Variants in TM4SF5 observed in about 807,000 individuals in gnomAD.
TM4SF5 encodes transmembrane 4 L6 family member 5.
Under a neutral mutation model 22.3 loss-of-function variants are expected in TM4SF5, and 16 were observed. The ratio of observed to expected loss-of-function variants is 0.72; its 90% CI spans 0.49 to 1.09. The LOEUF is 1.09. Ranked by LOEUF, TM4SF5 falls within the 50% of genes least tolerant of loss-of-function variation. The pLI, the probability that TM4SF5 is intolerant of heterozygous loss-of-function variation, is 0.00. For missense variants in TM4SF5, 249 were observed against 266.1 expected, an observed-to-expected ratio of 0.94 and a Z score of 0.45; for synonymous variants, 113 against 109.6, an observed-to-expected ratio of 1.03 and a Z score of -0.19.
At chr17:4,776,236 A>T (rs1207562758) in intron 1 of TM4SF5, among the ~76,000 whole-genome samples, 1 of 151,730 alleles carries the variant, frequency 6.6e-6, no homozygotes, top group Non-Finnish European at 1.5e-5. Context: ...TTTCTTATAC[A>T]TTCTATTATG....
chr17:4,771,896 A>T lies in TM4SF5; in HGVS notation c.-27A>T, dbSNP rs888665261. The T allele has an allele frequency of 2.3e-5, 37 of 1,612,884 alleles. No homozygotes were observed. Among genetic ancestry groups the T allele is most frequent in the Non-Finnish European group, 3.0e-5 (35 of 1,179,406 alleles). On this transcript the variant is annotated 5_prime_UTR_variant, in exon 1 of 5. Coordinates refer to ENST00000270560, the MANE Select transcript of TM4SF5 (RefSeq NM_003963.3). ...GGGAACCACTGGCTTACTTTCACTCACCGCCTGTCCTTCCTGACACCTCAC... is the reference window on the plus strand; with the variant it reads ...GGGAACCACTGGCTTACTTTCACTCTCCGCCTGTCCTTCCTGACACCTCAC...
chr17:4,773,802 T>G (rs1348369012), intron 1 of TM4SF5, among the ~76,000 whole-genome samples: 2 of 152,136 alleles, frequency 1.3e-5, no homozygotes, highest in African/African-American at 4.8e-5. Context: ...CACCCCTGTC[T>G]CCCCACACTC....
In TM4SF5 at chr17:4,778,038, C is replaced by A. The variant is rs141916898; in HGVS notation, c.178-2751C>A. Among the ~76,000 whole-genome samples, 449 of 151,400 alleles carry A rather than the reference C, an allele frequency of 3.0e-3. 1 individual carries two copies. Among genetic ancestry groups the A allele is most frequent in the African/African-American group, 0.01 (429 of 41,238 alleles). ...TCCAGTCTGGGCAACAGTGTGAGACCCTCTCTCAAACAAAAGCAGAAACCT... is the reference window on the plus strand; with the variant it reads ...TCCAGTCTGGGCAACAGTGTGAGACACTCTCTCAAACAAAAGCAGAAACCT... On this transcript the variant is annotated intron_variant, in intron 1 of 4. Coordinates refer to ENST00000270560, the MANE Select transcript of TM4SF5 (RefSeq NM_003963.3).
At chr17:4,772,485 A>G (rs1475344290) in intron 1 of TM4SF5, among the ~76,000 whole-genome samples, 1 of 152,164 alleles carries the variant, frequency 6.6e-6, no homozygotes, top group Non-Finnish European at 1.5e-5. Context: ...GGTGGGGCGC[A>G]GTGAAATTAC....
At chr17:4,772,990 T>C (rs1368405115) in intron 1 of TM4SF5, among the ~76,000 whole-genome samples, 1 of 152,144 alleles carries the variant, frequency 6.6e-6, no homozygotes, top group Non-Finnish European at 1.5e-5. Flanking sequence ...CTGCAACCTC[T>C]GTCTCCTGGG....
At chr17:4,777,327 A>C (rs1327959892) in intron 1 of TM4SF5, among the ~76,000 whole-genome samples, 5 of 152,224 alleles carry the variant, frequency 3.3e-5, no homozygotes, top group African/African-American at 9.6e-5. Context: ...GGCTATAAGC[A>C]CAGTGTTTTC....
intron 2 of TM4SF5, among the ~76,000 whole-genome samples, chr17:4,781,623 C>T (rs1917312159): frequency 6.6e-6 from 1 of 151,870 alleles, no homozygotes; most frequent in African/African-American, 2.4e-5. Context: ...TCAAGCCATT[C>T]TTGTTCTTCC....
In TM4SF5 at chr17:4,772,093, C is replaced by T; in HGVS notation, c.171C>T (p.Gly57=). The T allele has an allele frequency of 6.2e-7, 1 of 1,614,106 alleles. No homozygotes were observed. Among genetic ancestry groups the T allele is most frequent in the Non-Finnish European group, 8.5e-7 (1 of 1,180,012 alleles). Residue 57 remains glycine, a synonymous_variant, in exon 1 of 5, where the codon GGC becomes GGT. Transcript: ENST00000270560. ...TCATGGGCGGCTTCATTGGCGGGGG[C>T]CTAATGGTGAGAAGGCTGGCAGGGG... ...VWLMGGFIGG[G]LMVLCPGIAA... is the part of the protein sequence containing the mutation.
chr17:4,773,147 C>T (rs528516235), intron 1 of TM4SF5, among the ~76,000 whole-genome samples: 8 of 152,134 alleles, frequency 5.3e-5, no homozygotes, highest in South Asian at 2.1e-4. Flanking sequence ...TCAGGTGATC[C>T]GCCCCCCTCG....
At chr17:4,775,726 C>G (rs1567707436) in intron 1 of TM4SF5, among the ~76,000 whole-genome samples, 1 of 152,192 alleles carries the variant, frequency 6.6e-6, no homozygotes, top group African/African-American at 2.4e-5. Context: ...GAAGCCCAGA[C>G]ATGCTTCTCA....
intron 2 of TM4SF5, 43 bp from the exon 3 acceptor site, chr17:4,782,460 G>A (rs1262799271): frequency 6.2e-7 from 1 of 1,611,702 alleles, no homozygotes. Context: ...TCACCCACAG[G>A]TGGGGAGATT....
chr17:4,780,810 G>T lies in TM4SF5; in HGVS notation c.199G>T (p.Ala67Ser), dbSNP rs1567708382. Residue 67 changes from alanine to serine, a missense_variant, in exon 2 of 5, where the codon GCC becomes TCC. Transcript: ENST00000270560. ...GLMVLCPGIA[A>S]VRAGGKGCCG... ...ACAGGTACTGTGTCCGGGGATTGCA[G>T]CCGTTCGGGCAGGGGGCAAGGGCTG... The T allele has an allele frequency of 6.2e-7, 1 of 1,610,764 alleles. No individual in the cohort carries two copies. Among genetic ancestry groups the T allele is most frequent in the Non-Finnish European group, 8.5e-7 (1 of 1,178,474 alleles).
At chr17:4,777,115 T>C (rs1917221992) in intron 1 of TM4SF5, among the ~76,000 whole-genome samples, 1 of 150,588 alleles carries the variant, frequency 6.6e-6, no homozygotes, top group East Asian at 2.0e-4. Flanking sequence ...GAGAATCTCC[T>C]GAACCCAGCA....
chr17:4,775,343 C>G lies in TM4SF5; in HGVS notation c.177+3244C>G, dbSNP rs569851649. Among the ~76,000 whole-genome samples, 3 of 151,734 alleles carry G rather than the reference C, an allele frequency of 2.0e-5. No individual in the cohort carries two copies. In the East Asian group the frequency reaches 5.8e-4, roughly 29 times the overall value. On this transcript the variant is annotated intron_variant, in intron 1 of 4. Coordinates refer to ENST00000270560, the MANE Select transcript of TM4SF5 (RefSeq NM_003963.3). The stretch of plus-strand genomic sequence containing the variant: ...GTGCGATCTCGGTTCACTACAAGCT[C>G]CACCTCTTGGGTTCACGCCATTCTC...
In TM4SF5 at chr17:4,783,113, G is replaced by A; in HGVS notation, c.580-1G>A. On this transcript the variant is annotated splice_acceptor_variant, in intron 4 of 4. Transcript: ENST00000270560. LOFTEE classifies it high-confidence loss of function. ...GCGTTCTCACCTTCTCTTTTCCGCA[G>A]GACACACCTCACTGAGGCTCCACTG... 3 of 1,614,140 alleles carry A rather than the reference G, an allele frequency of 1.9e-6. No homozygotes were observed. Among genetic ancestry groups the A allele is most frequent in the Non-Finnish European group, 2.5e-6 (3 of 1,180,028 alleles).
intron 2 of TM4SF5, among the ~76,000 whole-genome samples, chr17:4,781,670 C>A (rs1032699225): frequency 1.3e-5 from 2 of 151,760 alleles, no homozygotes; most frequent in Admixed American, 6.6e-5. Context: ...GCGCCTGCCA[C>A]CACACCCAGC....
intron 1 of TM4SF5, among the ~76,000 whole-genome samples, chr17:4,780,118 C>T (rs995615456): frequency 1.3e-5 from 2 of 149,274 alleles, no homozygotes; most frequent in East Asian, 2.0e-4. Context: ...TACAGTGGCA[C>T]GATCTCAGCT....
intron 2 of TM4SF5, 92 bp from the exon 3 acceptor site, chr17:4,782,411 C>T: frequency 2.0e-6 from 3 of 1,475,882 alleles, no homozygotes; most frequent in Non-Finnish European, 2.8e-6. Flanking sequence ...CCGACTGGAG[C>T]AGATTTCGAT....
chr17:4,776,922 G>T lies in TM4SF5; in HGVS notation c.178-3867G>T, dbSNP rs556994078. Among the ~76,000 whole-genome samples, 10 of 152,248 alleles carry T rather than the reference G, an allele frequency of 6.6e-5. No individual in the cohort carries two copies. The East Asian group carries it at 1.9e-3, about 29-fold the overall frequency. On this transcript the variant is annotated intron_variant, in intron 1 of 4. Coordinates refer to ENST00000270560, the MANE Select transcript of TM4SF5 (RefSeq NM_003963.3). ...ATACAGAAAAAGACCAAACTGAGCT[G>T]GGCGTGGGGCCTCAAGCCTGTAATC...
Sources: gnomAD v4.1 joint callset for allele counts (sites outside exome capture counted in the v4.1 genomes callset) on GRCh38, gnomAD v4.1.1 for gene constraint, MANE v1.5 for transcripts, NCBI Gene and HGNC (gene_info 2026-07-23, HGNC 2026-07-21) for gene names.